Variants in RELL1 observed in about 807,000 individuals in gnomAD.
The protein encoded by RELL1 is RELT like 1, also known as RELT-like protein 1.
RELL1 carries 10 observed loss-of-function variants against 23.0 expected under a neutral mutation model. The observed-to-expected ratio is 0.43, with a 90% CI of 0.27 to 0.74. The LOEUF (loss-of-function observed/expected upper bound fraction) is 0.74. Ranked by LOEUF, RELL1 falls within the 30% of genes least tolerant of loss-of-function variation. The pLI is 0.19. For missense variants in RELL1, 315 were observed against 364.4 expected (o/e 0.86, Z 1.10); for synonymous variants, 146 against 146.8 (o/e 0.99, Z 0.04).
intron 3 of RELL1, among the ~76,000 whole-genome samples, chr4:37,643,517 C>T (rs1049419030): frequency 6.6e-6 from 1 of 152,086 alleles, no homozygotes; most frequent in African/African-American, 2.4e-5. Context: ...CCTAAACACA[C>T]GTGGGAAAAG....
At chr4:37,639,410 T>G (rs1202639159) in intron 3 of RELL1, among the ~76,000 whole-genome samples, 1 of 139,402 alleles carries the variant, frequency 7.2e-6, no homozygotes, top group African/African-American at 2.6e-5. Context: ...AAAAAAAAAT[T>G]TCAAGTATTG....
chr4:37,644,437 T>TA (rs1720632377), intron 3 of RELL1, among the ~76,000 whole-genome samples: 2 of 107,968 alleles, frequency 1.9e-5, no homozygotes, highest in South Asian at 3.2e-4. Flanking sequence ...TTTATTTTTA[T>TA]TTTTATTTAT....
intron 6 of RELL1, among the ~76,000 whole-genome samples, chr4:37,593,835 C>CG (rs2109474042): frequency 6.6e-6 from 1 of 152,090 alleles, no homozygotes; most frequent in African/African-American, 2.4e-5. Context: ...ACCTTTGGTC[C>CG]GGGGGAAGGA....
rs1457103029 is a variant in RELL1, at chr4:37,669,294, C to T, written c.88+16906G>A. 8.0e-5 allele frequency among the ~76,000 whole-genome samples: 12 copies of T among 149,162 alleles called. No individual in the cohort carries two copies. In the East Asian group the frequency reaches 2.4e-3, roughly 30 times the overall value. On this transcript the variant is annotated intron_variant, in intron 1 of 6. Transcript: ENST00000454158. ...CCGGGAGGTGAGGGGAGCCTCTGCC[C>T]GGCCGCCTCTACTGGGAAGTGAGGA...
intron 1 of RELL1, among the ~76,000 whole-genome samples, chr4:37,681,393 C>T (rs569489255): frequency 6.6e-6 from 1 of 152,006 alleles, no homozygotes; most frequent in East Asian, 1.9e-4. Flanking sequence ...CTTTCAGAGA[C>T]AAGAGCTCAG....
chr4:37,655,767 A>T (rs1009587668), intron 1 of RELL1, among the ~76,000 whole-genome samples: 4 of 152,248 alleles, frequency 2.6e-5, no homozygotes, highest in African/African-American at 9.6e-5. Context: ...GGCATTGAGC[A>T]ACTGGATCTG....
chr4:37,642,484 C>T (rs1416077051), intron 3 of RELL1, among the ~76,000 whole-genome samples: 1 of 152,218 alleles, frequency 6.6e-6, no homozygotes, highest in African/African-American at 2.4e-5. Context: ...GCCGTACATC[C>T]AACCCTTTGG....
At chr4:37,642,454 A>C (rs1192726640) in intron 3 of RELL1, among the ~76,000 whole-genome samples, 1 of 152,222 alleles carries the variant, frequency 6.6e-6, no homozygotes, top group Non-Finnish European at 1.5e-5. Context: ...ATTTAGAAAG[A>C]TGAATTAAAA....
Position 37,656,800 on chromosome 4 carries a change from T to G in RELL1, c.89-7300A>C, listed in dbSNP as rs1052917957. Among the ~76,000 whole-genome samples, 5 of 152,232 alleles carry G rather than the reference T, an allele frequency of 3.3e-5. No homozygotes were observed. In the South Asian group the frequency reaches 1.0e-3, roughly 32 times the overall value. ...TCTTGCTTCCTCTCTCACCATGTGA[T>G]TTCTTCCATTTTGTCACTGATGTCA... On this transcript the variant is annotated intron_variant, in intron 1 of 6. Coordinates refer to ENST00000454158, the MANE Select transcript of RELL1 (RefSeq NM_001085400.2).
chr4:37,596,730 ATATATATTTTTTTTTTTTTTTTTTT>A (rs1180222691), intron 6 of RELL1, among the ~76,000 whole-genome samples: 11 of 16,972 alleles, frequency 6.5e-4, no homozygotes, highest in African/African-American at 1.6e-3. Context: ...ATATATATAT[ATATATATTTTTTTTTTTTTTTTTTT>A]TTTTTTTTTT....
chr4:37,666,813 A>G (rs1248439745), intron 1 of RELL1, among the ~76,000 whole-genome samples: 2 of 152,262 alleles, frequency 1.3e-5, no homozygotes, highest in Non-Finnish European at 2.9e-5. Flanking sequence ...CAGGAAGCAG[A>G]TAATGACTAA....
At chr4:37,680,406 T>C (rs1208558637) in intron 1 of RELL1, among the ~76,000 whole-genome samples, 34 of 152,350 alleles carry the variant, frequency 2.2e-4, no homozygotes, top group Admixed American at 2.0e-3. Context: ...GAGGCATTCA[T>C]TGAAATGAGT....
intron 5 of RELL1, among the ~76,000 whole-genome samples, chr4:37,632,916 GT>G (rs1720191421): frequency 6.6e-6 from 1 of 152,082 alleles, no homozygotes; most frequent in Non-Finnish European, 1.5e-5. Flanking sequence ...TTCTCCTTCT[GT>G]GTCCAAAATA....
chr4:37,586,887 G>A (rs1021481381), downstream of RELL1, among the ~76,000 whole-genome samples: 3 of 152,210 alleles, frequency 2.0e-5, no homozygotes, highest in Non-Finnish European at 4.4e-5. Context: ...TCCAGCCTGG[G>A]CAACAGAGTG....
intron 3 of RELL1, among the ~76,000 whole-genome samples, chr4:37,645,119 C>T (rs17423365): frequency 0.033 from 5,043 of 152,284 alleles, 92 homozygotes; most frequent in Non-Finnish European, 0.045. Context: ...GAACTTTAAC[C>T]CCTGGCAAGG....
intron 2 of RELL1, 46 bp downstream of exon 2, chr4:37,649,230 A>G (rs1374676815): frequency 1.4e-6 from 2 of 1,465,048 alleles, no homozygotes; most frequent in African/African-American, 1.4e-5. Context: ...TTTCATATTT[A>G]AAAACTGTCT....
downstream of RELL1, among the ~76,000 whole-genome samples, chr4:37,589,655 A>G (rs187938415): frequency 1.3e-5 from 2 of 152,206 alleles, no homozygotes; most frequent in African/African-American, 4.8e-5. Flanking sequence ...CTTTTTCAAG[A>G]CTGTCTCGCT....
At chr4:37,596,728 ATATATATATTTTTTTTTTTTTT>A (rs1203011594) in intron 6 of RELL1, among the ~76,000 whole-genome samples, 3 of 16,730 alleles carry the variant, frequency 1.8e-4, no homozygotes, top group Middle Eastern at 0.019. Context: ...ATATATATAT[ATATATATATTTTTTTTTTTTTT>A]TTTTTTTTTT....
At chr4:37,606,207 AGAAG>A (rs1319782205), downstream of RELL1, among the ~76,000 whole-genome samples, 1 of 150,640 alleles carries the variant, frequency 6.6e-6, no homozygotes, top group Admixed American at 6.6e-5. The surrounding 1 kb of genome is among the most constrained non-coding windows in gnomAD (Gnocchi z 4.1). Flanking sequence ...GAAGAAAGAA[AGAAG>A]GAAAGAAAGA....
Sources: allele counts gnomAD v4.1 joint callset (sites outside exome capture counted in the v4.1 genomes callset), GRCh38; gene constraint gnomAD v4.1.1; non-coding constraint Gnocchi (gnomAD v3.1); transcripts MANE v1.5; gene names NCBI Gene and HGNC (gene_info 2026-07-23, HGNC 2026-07-21).